NOD1: variants seen among roughly 807,000 people sequenced by gnomAD.
The protein encoded by NOD1 is nucleotide binding oligomerization domain containing 1.
Under a neutral mutation model 81.2 loss-of-function variants are expected in NOD1, and 70 were observed. The ratio of observed to expected loss-of-function variants is 0.86; its 90% CI spans 0.71 to 1.05. The LOEUF (loss-of-function observed/expected upper bound fraction) is 1.05, where lower values mean the gene tolerates loss of function less well. Among genes scored for constraint, NOD1 ranks in the 50% least tolerant of loss-of-function variants. The pLI is 0.00. For synonymous variants in NOD1, 508 were observed against 526.9 expected, an observed-to-expected ratio of 0.96 and a Z score of 0.49; for missense variants, 1,233 against 1,228.0, an observed-to-expected ratio of 1.00 and a Z score of -0.06.
rs151212814 is a variant in NOD1, at chr7:30,452,086, C to T, written c.1331G>A (p.Arg444Gln). Residue 444 changes from arginine to glutamine, a missense_variant, in exon 6 of 14, where the codon CGG becomes CAG. By Grantham distance (43) the Arg-to-Gln change is conservative. Coordinates refer to ENST00000222823, the MANE Select transcript of NOD1 (RefSeq NM_006092.4). The part of the protein sequence containing the change: ...NRMQPSSLVQ[R>Q]NTRSPVETLH... ...GGTCTCCACTGGGCTGCGTGTGTTC[C>T]GCTGCACCAGGCTGCTGGGCTGCAT... 1.4e-5 allele frequency: 22 copies of T among 1,613,652 alleles called. No homozygotes were observed. In the Admixed American group the frequency reaches 1.7e-4, roughly 12 times the overall value.
At position 30,451,765 on chromosome 7, in the gene NOD1, G is replaced by A. The variant is rs570225517; in HGVS notation, c.1652C>T (p.Ala551Val). Residue 551 changes from alanine to valine, a missense_variant, in exon 6 of 14, where the codon GCG (alanine) becomes GTG (valine). Coordinates refer to ENST00000222823, the MANE Select transcript of NOD1 (RefSeq NM_006092.4). The surrounding 1 kb of genome is among the most constrained non-coding windows in gnomAD (Gnocchi z 4.2). ...ATAGCAGGACGTGGTCGCTGCCCCC[G>A]CAGGGGGCATCCACTCCTGGAAGAA... ...LRFFQEWMPP[A>V]GAATTSCYPP... 74 of 1,610,476 alleles carry A rather than the reference G, an allele frequency of 4.6e-5. No individual in the cohort carries two copies. Among genetic ancestry groups the A allele is most frequent in the African/African-American group, 2.9e-4 (22 of 74,820 alleles).
chr7:30,448,794 C>G (rs1221850431), intron 6 of NOD1, among the ~76,000 whole-genome samples: 1 of 152,172 alleles, frequency 6.6e-6, no homozygotes, highest in Non-Finnish European at 1.5e-5. Context: ...GGAGGGAGTG[C>G]CCTGTCATCT....
chr7:30,433,212 G>C (rs1376084456), intron 11 of NOD1, 33 bp from the exon 12 acceptor site: 2 of 1,528,862 alleles, frequency 1.3e-6, no homozygotes, highest in African/African-American at 1.4e-5. Context: ...TTACTCAAGA[G>C]AGCCTACTTG....
At chr7:30,464,591 C>T in intron 1 of NOD1, among the ~76,000 whole-genome samples, 1 of 152,226 alleles carries the variant, frequency 6.6e-6, no homozygotes. Flanking sequence ...TCTCTAGAGA[C>T]AGCAGTGTTC....
intron 6 of NOD1, among the ~76,000 whole-genome samples, chr7:30,449,943 A>G (rs1489641369): frequency 2.6e-5 from 4 of 152,204 alleles, no homozygotes; most frequent in Non-Finnish European, 5.9e-5. Flanking sequence ...CTGTAACCCC[A>G]ACATTTTGGA....
chr7:30,459,736 A>T (rs1786812128), intron 2 of NOD1, among the ~76,000 whole-genome samples, 165 bp downstream of exon 2: 1 of 152,216 alleles, frequency 6.6e-6, no homozygotes, highest in Admixed American at 6.5e-5. Flanking sequence ...GATCATCACA[A>T]GGCTGAGAGA....
At chr7:30,439,561 G>C (rs1459791943) in intron 9 of NOD1, among the ~76,000 whole-genome samples, 1 of 86,172 alleles carries the variant, frequency 1.2e-5, no homozygotes, top group African/African-American at 6.4e-5. Context: ...CTTAAGAAAC[G>C]GCGCACCACG....
At position 30,456,702 on chromosome 7, in the gene NOD1, G is replaced by A. The variant is rs111368419; in HGVS notation, c.201+19C>T. The A allele has an allele frequency of 1.8e-4, 296 of 1,610,898 alleles. 1 individual carries two copies. Among genetic ancestry groups the A allele is most frequent in the Non-Finnish European group, 2.3e-4 (271 of 1,178,002 alleles). On this transcript the variant is annotated intron_variant, in intron 4 of 13. Coordinates refer to ENST00000222823, the MANE Select transcript of NOD1 (RefSeq NM_006092.4). ...CCGGGGTCCACACAATGCCATGCCCGTCCCTGTCCCCGGGGCACCTTGTCA... is the reference window on the plus strand; with the variant it reads ...CCGGGGTCCACACAATGCCATGCCCATCCCTGTCCCCGGGGCACCTTGTCA...
intron 3 of NOD1, 47 bp from the exon 4 acceptor site, chr7:30,457,089 A>G: frequency 1.6e-6 from 1 of 621,516 alleles, no homozygotes. Flanking sequence ...CTACAGAAAG[A>G]GCTCACCCCA....
At chr7:30,430,543 G>A (rs917445046) in intron 12 of NOD1, among the ~76,000 whole-genome samples, 23 of 152,218 alleles carry the variant, frequency 1.5e-4, no homozygotes, top group Non-Finnish European at 7.3e-5. Flanking sequence ...GCCCTATGCT[G>A]TCATGAATGA....
intron 6 of NOD1, among the ~76,000 whole-genome samples, chr7:30,449,772 C>T (rs762191310): frequency 5.9e-5 from 9 of 152,228 alleles, no homozygotes; most frequent in East Asian, 1.9e-4. Flanking sequence ...GTGTGCTTCC[C>T]GTGGTTACCC....
At chr7:30,472,366 T>C (rs902179785) in intron 1 of NOD1, among the ~76,000 whole-genome samples, 2 of 152,178 alleles carry the variant, frequency 1.3e-5, no homozygotes, top group Non-Finnish European at 2.9e-5. Context: ...GATTTCACTC[T>C]TTTTTTCATC....
rs777958532 is a variant in NOD1, at chr7:30,447,070, C to A, written c.2286-20G>T. ...TATAAACTTCAAGAGAAAGCACAGC[C>A]ATGAGACTTTCTGGCTCCTGATGTC... On this transcript the variant is annotated intron_variant, in intron 7 of 13. Coordinates refer to ENST00000222823, the MANE Select transcript of NOD1 (RefSeq NM_006092.4). 2 of 1,613,216 alleles carry A rather than the reference C, an allele frequency of 1.2e-6. No individual in the cohort carries two copies. The highest frequency in any genetic ancestry group is 1.7e-6 in the Non-Finnish European group (2 of 1,179,320).
rs1789048946 is a variant in NOD1, at chr7:30,478,687, G to GCCGGGAAGCGCCGTGGC, written c.-450_-434dup. On this transcript the variant is annotated 5_prime_UTR_variant, in exon 1 of 14. Transcript: ENST00000222823. This position sits in a 1 kb window ranked among gnomAD's most constrained non-coding sequence, Gnocchi z 4.1. ...AGCGCCATGGTCCGGGGACGCCGGG[G>GCCGGGAAGCGCCGTGGC]CCGGGAAGCGCCGTGGCCCGGGAGG... is the stretch of plus-strand genomic sequence containing the variant. 6.6e-6 allele frequency: 1 copy of GCCGGGAAGCGCCGTGGC among 152,390 alleles called. No individual in the cohort carries two copies. Among genetic ancestry groups the GCCGGGAAGCGCCGTGGC allele is most frequent in the African/African-American group, 2.4e-5 (1 of 41,466 alleles). 9.4% of individuals were successfully genotyped at this position (152,390 alleles called of 1,614,324 possible).
intron 1 of NOD1, chr7:30,468,797 A>G (rs1787969038): frequency 3.1e-6 from 3 of 982,284 alleles, no homozygotes; most frequent in Non-Finnish European, 3.6e-6. Context: ...TCTCTTGAAT[A>G]TGATTCATTT....
intron 8 of NOD1, 105 bp downstream of exon 8, chr7:30,446,862 G>C (rs1785147933): frequency 1.1e-6 from 1 of 912,460 alleles, no homozygotes; most frequent in African/African-American, 1.7e-5. Context: ...GGGACAAGTG[G>C]AAGGCTTTAG....
chr7:30,460,980 C>T (rs768662408), intron 1 of NOD1, among the ~76,000 whole-genome samples: 2 of 152,074 alleles, frequency 1.3e-5, no homozygotes, highest in Admixed American at 6.6e-5. Context: ...TGCAGGATGG[C>T]GGATCTTCAA....
chr7:30,448,445 C>T, intron 6 of NOD1, 64 bp from the exon 7 acceptor site: 3 of 1,356,232 alleles, frequency 2.2e-6, no homozygotes, highest in South Asian at 2.3e-5. Context: ...GACCATTAAT[C>T]TTACAAAGAT....
intron 1 of NOD1, among the ~76,000 whole-genome samples, chr7:30,477,035 G>A (rs1312326225): frequency 6.6e-6 from 1 of 152,224 alleles, no homozygotes; most frequent in African/African-American, 2.4e-5. Context: ...AGCCTCAGGA[G>A]AGGGTTGCTC....
Sources: gnomAD v4.1 joint callset for allele counts (sites outside exome capture counted in the v4.1 genomes callset) on GRCh38, gnomAD v4.1.1 for gene constraint, Gnocchi (gnomAD v3.1) non-coding constraint, MANE v1.5 for transcripts, NCBI Gene and HGNC (gene_info 2026-07-23, HGNC 2026-07-21) for gene names.